Variants in GALNS observed in about 807,000 individuals in gnomAD.
The protein encoded by GALNS is N-acetylgalactosamine-6-sulfatase.
GALNS carries 65 observed loss-of-function variants against 65.9 expected under a neutral mutation model. The observed-to-expected ratio is 0.99, with a 90% CI of 0.81 to 1.21. GALNS has a LOEUF of 1.21. GALNS is among the 50% of genes most tolerant of loss of function. The probability of loss-of-function intolerance (pLI) is 0.00; values close to 1 mark genes in which losing one functional copy is unlikely to be tolerated. For missense variants in GALNS, 776 were observed against 700.7 expected (o/e 1.11, Z -1.21); for synonymous variants, 346 against 288.9 (o/e 1.20, Z -2.00).
intron 1 of GALNS, among the ~76,000 whole-genome samples, chr16:88,851,016 A>G (rs115823413): frequency 0.01 from 1,588 of 152,316 alleles, 25 homozygotes; most frequent in African/African-American, 0.036. Flanking sequence ...AACGTCCCAC[A>G]CGTGGGCCTT....
intron 1 of GALNS, among the ~76,000 whole-genome samples, chr16:88,853,404 T>C (rs998325212): frequency 6.6e-6 from 1 of 152,150 alleles, no homozygotes; most frequent in Non-Finnish European, 1.5e-5. Context: ...ATGGGATTAT[T>C]ATGAAGACGA....
chr16:88,848,474 A>C (rs1165094354), intron 1 of GALNS, among the ~76,000 whole-genome samples: 1 of 152,022 alleles, frequency 6.6e-6, no homozygotes, highest in Admixed American at 6.6e-5. Context: ...TCTACCAAAA[A>C]TACAAAAAAT....
rs950971295 is a variant in GALNS, at chr16:88,854,629, G to C, written c.120+2129C>G. Among the ~76,000 whole-genome samples the C allele has an allele frequency of 2.6e-5, 4 of 152,228 alleles. No individual in the cohort carries two copies. The South Asian group carries it at 6.2e-4, about 24-fold the overall frequency. On this transcript the variant is annotated intron_variant, in intron 1 of 13. Transcript: ENST00000268695. ...ACCCACATCACGCTAACATGACACGGGCAGAGCCAACCTCCCACTGGGTCT... is the reference window on the plus strand; with the variant it reads ...ACCCACATCACGCTAACATGACACGCGCAGAGCCAACCTCCCACTGGGTCT...
chr16:88,834,942 C>T lies in GALNS; in HGVS notation c.898+271G>A, dbSNP rs534491268. On this transcript the variant is annotated intron_variant, in intron 8 of 13. Transcript: ENST00000268695. Reference sequence around the variant, plus strand: ...CAAAGCCTCCGGCCTCCGGGGTCACCCTTCGGGAGGCGTCAGCCTCTTCCA... The same window carrying T: ...CAAAGCCTCCGGCCTCCGGGGTCACTCTTCGGGAGGCGTCAGCCTCTTCCA... 2.6e-5 allele frequency among the ~76,000 whole-genome samples: 4 copies of T among 152,314 alleles called. No homozygotes were observed. In the South Asian group the frequency reaches 8.3e-4, roughly 32 times the overall value.
At chr16:88,837,979 G>A in intron 4 of GALNS, 2 of 568,152 alleles carry the variant, frequency 3.5e-6, no homozygotes, top group Non-Finnish European at 3.2e-6. Flanking sequence ...GAGCGTCTGG[G>A]CACAACCGAG....
At chr16:88,855,343 G>A (rs1967756996) in intron 1 of GALNS, 1 of 672,980 alleles carries the variant, frequency 1.5e-6, no homozygotes, top group Non-Finnish European at 2.8e-6. Flanking sequence ...ACAATGAAAA[G>A]AAGAAATTCT....
chr16:88,854,202 C>A (rs961342805), intron 1 of GALNS, among the ~76,000 whole-genome samples: 1 of 152,246 alleles, frequency 6.6e-6, no homozygotes, highest in Non-Finnish European at 1.5e-5. Flanking sequence ...ATCAAGCCAT[C>A]CCATGTCATG....
intron 1 of GALNS, among the ~76,000 whole-genome samples, chr16:88,848,535 A>G (rs1967356887): frequency 1.3e-5 from 2 of 148,222 alleles, no homozygotes; most frequent in Non-Finnish European, 3.0e-5. Context: ...CGGGAGGCTG[A>G]GGCAGGACAG....
Position 88,831,994 on chromosome 16 carries a change from T to C in GALNS, c.1002+4A>G. 1 of 1,612,358 alleles carries C rather than the reference T, an allele frequency of 6.2e-7. No homozygotes were observed. The highest frequency in any genetic ancestry group is 1.1e-5 in the South Asian group (1 of 91,010). On this transcript the variant is annotated splice_donor_region_variant and intron_variant, in intron 9 of 13. Transcript: ENST00000268695. ...GCCCGGCAGACCGGTGGACGCTGACTCACCTGGCCTGCAGTGACGTGCCCT... is the reference window on the plus strand; with the variant it reads ...GCCCGGCAGACCGGTGGACGCTGACCCACCTGGCCTGCAGTGACGTGCCCT...
chr16:88,818,011 A>T lies in GALNS; in HGVS notation c.1478T>A (p.Val493Asp), dbSNP rs1180407176. The T allele has an allele frequency of 6.3e-7, 1 of 1,581,152 alleles. No homozygotes were observed. The highest frequency in any genetic ancestry group is 1.3e-5 in the African/African-American group (1 of 74,238). ...QPQLNVCNWA[V>D]MNWAPPGCEK... ...GCCCACACACCAGCCACTTACCATG[A>T]CCGCCCAGTTGCACACGTTGAGCTG... The change falls in exon 13 of 14, where the codon GTC becomes GAC. Residue 493 changes from valine to aspartate, a missense_variant. By Grantham distance (152) the Val-to-Asp change is radical. Transcript: ENST00000268695.
At chr16:88,825,970 G>T (rs1363517270) in intron 10 of GALNS, among the ~76,000 whole-genome samples, 2 of 152,222 alleles carry the variant, frequency 1.3e-5, no homozygotes, top group Non-Finnish European at 2.9e-5. Context: ...GGTTTGAGTG[G>T]AATGGTGGCT....
At chr16:88,819,983 T>G (rs575947620) in intron 12 of GALNS, among the ~76,000 whole-genome samples, 19 of 151,930 alleles carry the variant, frequency 1.3e-4, no homozygotes, top group Non-Finnish European at 2.4e-4. Context: ...TGAGCCACTG[T>G]GCCCGGCCTT....
intron 1 of GALNS, among the ~76,000 whole-genome samples, chr16:88,852,826 G>C (rs1161387149): frequency 2.0e-5 from 3 of 152,206 alleles, no homozygotes; most frequent in Non-Finnish European, 4.4e-5. Flanking sequence ...GTGGTGATGG[G>C]CGGCTATAAT....
chr16:88,843,286 A>AT (rs1269891782), intron 1 of GALNS: 1 of 1,152,362 alleles, frequency 8.7e-7, no homozygotes, highest in Non-Finnish European at 1.1e-6. Context: ...CCAGAAGCCC[A>AT]GTTATCGTGT....
At chr16:88,833,537 C>T (rs1267743540) in intron 8 of GALNS, among the ~76,000 whole-genome samples, 8 of 151,670 alleles carry the variant, frequency 5.3e-5, no homozygotes, top group South Asian at 2.1e-4. Flanking sequence ...CTGCAAGCTC[C>T]GCCTCCCGGG....
At chr16:88,848,167 C>A (rs113094113) in intron 1 of GALNS, among the ~76,000 whole-genome samples, 4 of 152,180 alleles carry the variant, frequency 2.6e-5, no homozygotes, top group African/African-American at 9.7e-5. Context: ...GGGAGCGGGT[C>A]GGCCAGGGGC....
chr16:88,821,128 G>A (rs1303388175), intron 12 of GALNS, among the ~76,000 whole-genome samples: 1 of 152,092 alleles, frequency 6.6e-6, no homozygotes, highest in East Asian at 1.9e-4. Flanking sequence ...ATATGACCAT[G>A]AACTGGGGCT....
chr16:88,853,808 G>A (rs1279162241), intron 1 of GALNS, among the ~76,000 whole-genome samples: 1 of 152,108 alleles, frequency 6.6e-6, no homozygotes, highest in Non-Finnish European at 1.5e-5. Context: ...GCCCTGGGGA[G>A]TGCAGGTAGA....
In GALNS at chr16:88,839,823, C is replaced by G. The variant is rs895921367; in HGVS notation, c.422+1169G>C. On this transcript the variant is annotated intron_variant, in intron 4 of 13. Transcript: ENST00000268695. ...GCCTCTATGGAGACCCACTCCCTGT[C>G]TAGCTCTGGCCACCGGCACCAATGA... Among the ~76,000 whole-genome samples, 11 of 152,360 alleles carry G rather than the reference C, an allele frequency of 7.2e-5. No individual in the cohort carries two copies. The East Asian group carries it at 2.1e-3, about 29-fold the overall frequency.
Sources: gnomAD v4.1 joint callset for allele counts (sites outside exome capture counted in the v4.1 genomes callset) on GRCh38, gnomAD v4.1.1 for gene constraint, MANE v1.5 for transcripts, NCBI Gene and HGNC (gene_info 2026-07-23, HGNC 2026-07-21) for gene names.